Variants in FGF1 observed in about 807,000 individuals in gnomAD.
The protein encoded by FGF1 is fibroblast growth factor 1.
In FGF1, 9 loss-of-function variants were observed where a neutral mutation model predicts 13.4. That is an observed-to-expected ratio of 0.67 (90% CI 0.40 to 1.17). The LOEUF (loss-of-function observed/expected upper bound fraction) is 1.17. Ranked by LOEUF, FGF1 falls within the 50% of genes most tolerant of loss-of-function variation. FGF1 has a pLI of 0.01. For synonymous variants in FGF1, 93 were observed against 79.0 expected (o/e 1.18, Z -0.94); for missense variants, 156 against 192.7 (o/e 0.81, Z 1.13).
chr5:142,623,173 T>G (rs1425436100), intron 1 of FGF1, among the ~76,000 whole-genome samples: 1 of 152,204 alleles, frequency 6.6e-6, no homozygotes, highest in Non-Finnish European at 1.5e-5. Flanking sequence ...GAATCCTGGT[T>G]GGACACTCAC....
intron 1 of FGF1, among the ~76,000 whole-genome samples, chr5:142,664,828 T>C (rs932452928): frequency 6.6e-6 from 1 of 152,142 alleles, no homozygotes; most frequent in Non-Finnish European, 1.5e-5. Context: ...AGCAGTAAGA[T>C]GTGGGCGAGG....
intron 1 of FGF1, among the ~76,000 whole-genome samples, chr5:142,684,761 C>T (rs1330321608): frequency 1.3e-5 from 2 of 152,232 alleles, no homozygotes; most frequent in African/African-American, 4.8e-5. Context: ...CCTTTCAGCC[C>T]TGATGCCACT....
chr5:142,608,377 G>C (rs575004653), intron 2 of FGF1, among the ~76,000 whole-genome samples: 1 of 151,828 alleles, frequency 6.6e-6, no homozygotes, highest in Non-Finnish European at 1.5e-5. Flanking sequence ...TGGTGCGGTT[G>C]TTTTATGTCA....
chr5:142,650,582 G>A lies in FGF1; in HGVS notation c.-35+35375C>T, dbSNP rs148878191. On this transcript the variant is annotated intron_variant, in intron 1 of 3. Coordinates refer to ENST00000337706, the MANE Select transcript of FGF1 (RefSeq NM_000800.5). ...TAAACTTCTTAAGTGGCCAATAAAT[G>A]ATGATGGCAGGGAGAATGATGCTCA... Among the ~76,000 whole-genome samples the A allele has an allele frequency of 3.7e-3, 556 of 152,248 alleles. 2 individuals are homozygous for A. Among genetic ancestry groups the A allele is most frequent in the African/African-American group, 0.012 (515 of 41,550 alleles).
intron 2 of FGF1, among the ~76,000 whole-genome samples, chr5:142,607,880 G>A (rs1279809282): frequency 6.6e-6 from 1 of 152,184 alleles, no homozygotes; most frequent in Non-Finnish European, 1.5e-5. Flanking sequence ...TTGCATGGCT[G>A]TGCTAGCCCG....
intron 1 of FGF1, among the ~76,000 whole-genome samples, chr5:142,647,296 T>C (rs1766340649): frequency 6.6e-6 from 1 of 152,230 alleles, no homozygotes. Flanking sequence ...CTCCTCTCTG[T>C]TCATTTCTCC....
intron 1 of FGF1, among the ~76,000 whole-genome samples, chr5:142,619,978 T>C (rs1380307276): frequency 6.6e-6 from 1 of 151,468 alleles, no homozygotes; most frequent in Non-Finnish European, 1.5e-5. Context: ...TCACAATAAA[T>C]GTAAATGTGC....
At chr5:142,692,428 A>C (rs1752368942) in intron 2 of FGF1, among the ~76,000 whole-genome samples, 1 of 152,204 alleles carries the variant, frequency 6.6e-6, no homozygotes. Flanking sequence ...CAGAACATCA[A>C]ACCAAAAGAT....
chr5:142,681,415 A>G (rs1208040515), intron 1 of FGF1, among the ~76,000 whole-genome samples: 1 of 152,032 alleles, frequency 6.6e-6, no homozygotes, highest in Non-Finnish European at 1.5e-5. Flanking sequence ...GTTCTTGGGC[A>G]CCGTCCACTA....
chr5:142,640,275 C>T (rs886555878), intron 1 of FGF1, among the ~76,000 whole-genome samples: 1 of 151,914 alleles, frequency 6.6e-6, no homozygotes, highest in African/African-American at 2.4e-5. Context: ...CCCTGCTTTC[C>T]TTGTCAATTT....
chr5:142,621,634 C>A (rs1368334432), intron 1 of FGF1, among the ~76,000 whole-genome samples: 1 of 152,110 alleles, frequency 6.6e-6, no homozygotes, highest in Non-Finnish European at 1.5e-5. Flanking sequence ...GGGTGTAATT[C>A]CCATCTATAT....
At chr5:142,692,714 C>T (rs1752438732) in intron 2 of FGF1, among the ~76,000 whole-genome samples, 1 of 151,926 alleles carries the variant, frequency 6.6e-6, no homozygotes, top group Non-Finnish European at 1.5e-5. Context: ...CACAGACACA[C>T]ACACACACAC....
chr5:142,649,907 A>G (rs1255723572), intron 1 of FGF1, among the ~76,000 whole-genome samples: 1 of 152,234 alleles, frequency 6.6e-6, no homozygotes, highest in Non-Finnish European at 1.5e-5. Flanking sequence ...CCAAAGTATG[A>G]CCCAAGGAAC....
At chr5:142,682,769 C>T (rs1355874560) in intron 1 of FGF1, among the ~76,000 whole-genome samples, 6 of 152,200 alleles carry the variant, frequency 3.9e-5, no homozygotes, top group African/African-American at 1.4e-4. Flanking sequence ...TCAAGAAGCT[C>T]ACTTCTGGCT....
At chr5:142,643,368 T>C (rs1364645185) in intron 1 of FGF1, among the ~76,000 whole-genome samples, 1 of 152,044 alleles carries the variant, frequency 6.6e-6, no homozygotes, top group East Asian at 1.9e-4. Context: ...GTAAAGATGA[T>C]TTTTGTTTTC....
At chr5:142,620,447 A>C (rs553632948) in intron 1 of FGF1, among the ~76,000 whole-genome samples, 1 of 152,282 alleles carries the variant, frequency 6.6e-6, no homozygotes. Context: ...TCGTGTGGCT[A>C]TATTAATATC....
At chr5:142,666,757 G>A (rs926458042) in intron 1 of FGF1, among the ~76,000 whole-genome samples, 13 of 150,930 alleles carry the variant, frequency 8.6e-5, no homozygotes, top group African/African-American at 3.2e-4. Flanking sequence ...GGGCAACACG[G>A]CAACACTTTA....
Position 142,595,283 on chromosome 5 carries a change from G to A in FGF1, c.*7C>T, listed in dbSNP as rs1214389088. Reference sequence around the variant, plus strand: ...TCTGGAGTGGTCAACACCCAGAACAGATCTCTTTAATCAGAAGAGACTGGC... The same window carrying A: ...TCTGGAGTGGTCAACACCCAGAACAAATCTCTTTAATCAGAAGAGACTGGC... On this transcript the variant is annotated 3_prime_UTR_variant, in exon 4 of 4. Coordinates refer to ENST00000337706, the MANE Select transcript of FGF1 (RefSeq NM_000800.5). 1.2e-6 allele frequency: 2 copies of A among 1,612,460 alleles called. No individual in the cohort carries two copies. The highest frequency in any genetic ancestry group is 1.3e-5 in the African/African-American group (1 of 75,038).
chr5:142,695,496 C>T lies in FGF1; in HGVS notation c.-35+2126G>A, dbSNP rs537454375. 2.7e-4 allele frequency among the ~76,000 whole-genome samples: 40 copies of T among 150,442 alleles called. No homozygotes were observed. In the South Asian group the frequency reaches 3.0e-3, roughly 11 times the overall value. On this transcript the variant is annotated intron_variant, in intron 2 of 4. Coordinates refer to the FGF1 transcript ENST00000407758. The stretch of plus-strand genomic sequence containing the variant: ...ACTTAGGAGGCTGAGGCAAAAGAAT[C>T]GCTTGAACCTGGGAGGCGGAGGTTG...
Sources: gnomAD v4.1 joint callset for allele counts (sites outside exome capture counted in the v4.1 genomes callset) on GRCh38, gnomAD v4.1.1 for gene constraint, MANE v1.5 for transcripts, NCBI Gene and HGNC (gene_info 2026-07-23, HGNC 2026-07-21) for gene names.